PXDNL: variants seen among roughly 807,000 people sequenced by gnomAD.
The protein encoded by PXDNL is probable oxidoreductase PXDNL.
In PXDNL, 145 loss-of-function variants were observed where a neutral mutation model predicts 150.8. The ratio of observed to expected loss-of-function variants is 0.96; its 90% CI spans 0.84 to 1.10. PXDNL has a LOEUF of 1.10. Ranked by LOEUF, PXDNL falls within the 50% of genes least tolerant of loss-of-function variation. PXDNL has a pLI of 0.00. For synonymous variants in PXDNL, 757 were observed against 725.7 expected, an observed-to-expected ratio of 1.04 and a Z score of -0.69; for missense variants, 2,087 against 1,873.9, an observed-to-expected ratio of 1.11 and a Z score of -2.10.
At chr8:51,382,459 TTA>T (rs1807578121) in intron 17 of PXDNL, among the ~76,000 whole-genome samples, 1 of 152,190 alleles carries the variant, frequency 6.6e-6, no homozygotes, top group African/African-American at 2.4e-5. Context: ...TCCATTGACT[TTA>T]TGCTAAATTC....
chr8:51,698,104 G>A (rs1055300463), intron 1 of PXDNL, among the ~76,000 whole-genome samples: 8 of 152,218 alleles, frequency 5.3e-5, no homozygotes, highest in Non-Finnish European at 1.2e-4. Context: ...GATGGCTGCT[G>A]ACTGATCAGG....
At chr8:51,463,757 C>T (rs1810134554) in intron 8 of PXDNL, among the ~76,000 whole-genome samples, 1 of 152,260 alleles carries the variant, frequency 6.6e-6, no homozygotes, top group South Asian at 2.1e-4. Flanking sequence ...CAACCATACT[C>T]TCAGACACAG....
intron 19 of PXDNL, among the ~76,000 whole-genome samples, chr8:51,347,530 C>A (rs1395153662): frequency 3.3e-5 from 5 of 152,128 alleles, no homozygotes; most frequent in Non-Finnish European, 5.9e-5. Context: ...CTACTTCTAC[C>A]TTTTGTTTTC....
chr8:51,652,378 A>ATCTC (rs10560519), intron 2 of PXDNL, among the ~76,000 whole-genome samples: 3 of 141,764 alleles, frequency 2.1e-5, no homozygotes, highest in Admixed American at 7.1e-5. Flanking sequence ...CTAGACAGAA[A>ATCTC]TCTCTCTCTC....
intron 1 of PXDNL, among the ~76,000 whole-genome samples, chr8:51,694,835 A>G (rs1454612541): frequency 1.3e-5 from 2 of 152,192 alleles, no homozygotes; most frequent in Non-Finnish European, 2.9e-5. Flanking sequence ...CTAGAATAAA[A>G]TTTTATGAAA....
intron 1 of PXDNL, among the ~76,000 whole-genome samples, chr8:51,797,871 C>A (rs564864655): frequency 1.3e-5 from 2 of 152,232 alleles, no homozygotes; most frequent in South Asian, 2.1e-4. Flanking sequence ...ATAGCCAAGA[C>A]AATCCTAAGC....
intron 2 of PXDNL, among the ~76,000 whole-genome samples, chr8:51,651,950 T>A (rs1372472418): frequency 1.3e-5 from 2 of 152,226 alleles, no homozygotes; most frequent in African/African-American, 4.8e-5. Flanking sequence ...CAGCAATACA[T>A]AACATTTCCG....
chr8:51,409,138 C>G lies in PXDNL; in HGVS notation c.2486G>C (p.Gly829Ala), dbSNP rs777715455. The G allele has an allele frequency of 6.2e-7, 1 of 1,604,576 alleles. No homozygotes were observed. The highest frequency in any genetic ancestry group is 1.7e-5 in the Admixed American group (1 of 59,618). ...PALSTARFSD[G>A]RPCSSVCTND... ...GGTGCAGACGGAGCTGCACGGCCGC[C>G]CATCCGAGAAGCGGGCTGTGCTCAG... The change falls in exon 17 of 23, where the codon GGG (glycine) becomes GCG (alanine). Residue 829 changes from glycine to alanine, a missense_variant. Physicochemically the swap from Gly to Ala is moderately conservative, Grantham distance 60. Transcript: ENST00000356297.
At chr8:51,446,220 CT>C (rs748328758) in intron 12 of PXDNL, among the ~76,000 whole-genome samples, 6 of 152,182 alleles carry the variant, frequency 3.9e-5, no homozygotes, top group Non-Finnish European at 7.4e-5. Context: ...GCTTTTCCTT[CT>C]CCTATGCTCT....
chr8:51,616,314 T>C (rs569295167), intron 2 of PXDNL, among the ~76,000 whole-genome samples: 2 of 152,290 alleles, frequency 1.3e-5, no homozygotes, highest in Admixed American at 6.5e-5. Context: ...GACACAGCCA[T>C]GTGTGTAGGT....
intron 7 of PXDNL, among the ~76,000 whole-genome samples, chr8:51,473,402 G>C (rs1810394465): frequency 6.6e-6 from 1 of 152,034 alleles, no homozygotes; most frequent in African/African-American, 2.4e-5. Flanking sequence ...AGTATGGAGG[G>C]ATAGGTAGGT....
chr8:51,494,270 C>T (rs1371834526), intron 5 of PXDNL, among the ~76,000 whole-genome samples: 1 of 151,758 alleles, frequency 6.6e-6, no homozygotes, highest in Non-Finnish European at 1.5e-5. Flanking sequence ...TAAAAGAGCT[C>T]CTGAAGGAAG....
intron 3 of PXDNL, among the ~76,000 whole-genome samples, chr8:51,574,371 C>G (rs375876274): frequency 6.6e-6 from 1 of 151,524 alleles, no homozygotes; most frequent in Non-Finnish European, 1.5e-5. Context: ...ATCTGAACCA[C>G]AGAGAGAAGA....
rs149452590 is a variant in PXDNL, at chr8:51,395,165, T to C, written c.3557+12902A>G. 4.3e-3 allele frequency among the ~76,000 whole-genome samples: 654 copies of C among 152,338 alleles called. 1 individual carries two copies. The highest frequency in any genetic ancestry group is 6.2e-3 in the Non-Finnish European group (424 of 68,038). ...GACCCTAGAGAGGGCCTGCAGGGTATTCACACAGTCACAAGTGTGCATAAA... is the reference window on the plus strand; with the variant it reads ...GACCCTAGAGAGGGCCTGCAGGGTACTCACACAGTCACAAGTGTGCATAAA... On this transcript the variant is annotated intron_variant, in intron 17 of 22. Transcript: ENST00000356297.
chr8:51,807,936 G>C (rs912345816), intron 1 of PXDNL, among the ~76,000 whole-genome samples: 38 of 152,294 alleles, frequency 2.5e-4, no homozygotes, highest in Middle Eastern at 3.4e-3. Flanking sequence ...GCAGAACTGT[G>C]CTGTCCACAT....
rs1322612924 is a variant in PXDNL, at chr8:51,481,226, T to A, written c.524+2417A>T. On this transcript the variant is annotated intron_variant, in intron 6 of 22. Coordinates refer to ENST00000356297, the MANE Select transcript of PXDNL (RefSeq NM_144651.5). ...GACAATAAAATTCAGACTGAGGGAGTCTCAGATGGAGATAAGGAACTTGTT... is the reference window on the plus strand; with the variant it reads ...GACAATAAAATTCAGACTGAGGGAGACTCAGATGGAGATAAGGAACTTGTT... Among the ~76,000 whole-genome samples, 3 of 151,570 alleles carry A rather than the reference T, an allele frequency of 2.0e-5. No homozygotes were observed. In the East Asian group the frequency reaches 5.8e-4, roughly 29 times the overall value.
chr8:51,408,337 C>A lies in PXDNL; in HGVS notation c.3287G>T (p.Gly1096Val), dbSNP rs1284204487. The A allele has an allele frequency of 5.0e-6, 8 of 1,614,030 alleles. No homozygotes were observed. Among genetic ancestry groups the A allele is most frequent in the Non-Finnish European group, 6.8e-6 (8 of 1,179,910 alleles). Reference sequence around the variant, plus strand: ...CAGCCCCCGGAGAACCGGGTCTATCCCACCTTCCTTGATTATTCTGGACGG... The same window carrying A: ...CAGCCCCCGGAGAACCGGGTCTATCACACCTTCCTTGATTATTCTGGACGG... ...FSPSRIIKEG[G>V]IDPVLRGLFG... The change falls in exon 17 of 23, where the codon GGG becomes GTG. Residue 1096 changes from glycine to valine, a missense_variant. By Grantham distance (109) the Gly-to-Val change is moderately radical. Transcript: ENST00000356297.
chr8:51,638,498 G>A (rs924370943), intron 2 of PXDNL, among the ~76,000 whole-genome samples: 5 of 152,078 alleles, frequency 3.3e-5, no homozygotes, highest in African/African-American at 1.2e-4. Flanking sequence ...ATAAAGGAAT[G>A]GAGGAAGATC....
chr8:51,693,609 C>G (rs898333511), intron 1 of PXDNL, among the ~76,000 whole-genome samples: 3 of 152,096 alleles, frequency 2.0e-5, no homozygotes, highest in African/African-American at 2.4e-5. Flanking sequence ...CCCCTCCCTT[C>G]TAAAAATACA....
Sources: gnomAD v4.1 joint callset for allele counts (sites outside exome capture counted in the v4.1 genomes callset) on GRCh38, gnomAD v4.1.1 for gene constraint, MANE v1.5 for transcripts, NCBI Gene and HGNC (gene_info 2026-07-23, HGNC 2026-07-21) for gene names.